SH3BGRL2: variants seen among roughly 807,000 people sequenced by gnomAD.
SH3BGRL2 encodes the protein SH3 domain-binding glutamic acid-rich-like protein 2.
In SH3BGRL2, 21 loss-of-function variants were observed where a neutral mutation model predicts 14.8. The observed-to-expected ratio is 1.42, with a 90% CI of 1.01 to 2.05. SH3BGRL2 has a LOEUF of 2.05. Among genes scored for constraint, SH3BGRL2 ranks in the 30% most tolerant of loss-of-function variants. The pLI, the probability that SH3BGRL2 is intolerant of heterozygous loss-of-function variation, is 0.00. For missense variants in SH3BGRL2, 147 were observed against 130.8 expected (o/e 1.12, Z -0.61); for synonymous variants, 50 against 47.8 (o/e 1.05, Z -0.19).
the SH3BGRL2 span, among the ~76,000 whole-genome samples, chr6:79,602,140 C>A: frequency 2.0e-5 from 3 of 152,132 alleles, no homozygotes; most frequent in African/African-American, 7.2e-5. Flanking sequence ...TTGAAAATCA[C>A]TTTTTAAAAT....
At chr6:79,595,301 A>G in the SH3BGRL2 span, among the ~76,000 whole-genome samples, 1 of 152,242 alleles carries the variant, frequency 6.6e-6, no homozygotes, top group South Asian at 2.1e-4. Flanking sequence ...AAAAAAAAAA[A>G]GGAATCTGCT....
At chr6:79,546,386 G>A in the SH3BGRL2 span, among the ~76,000 whole-genome samples, 1 of 152,028 alleles carries the variant, frequency 6.6e-6, no homozygotes, top group African/African-American at 2.4e-5. Flanking sequence ...ATTCTCTAAA[G>A]AGCCATAAAT....
At chr6:79,581,943 G>C in the SH3BGRL2 span, among the ~76,000 whole-genome samples, 2 of 152,090 alleles carry the variant, frequency 1.3e-5, no homozygotes, top group Non-Finnish European at 2.9e-5. Context: ...AAAGTCTCAG[G>C]ATACAAAATC....
the SH3BGRL2 span, among the ~76,000 whole-genome samples, chr6:79,569,629 G>A: frequency 6.6e-6 from 1 of 152,142 alleles, no homozygotes; most frequent in African/African-American, 2.4e-5. Context: ...CATGTCCAAC[G>A]TTCCCATCCT....
At position 79,673,929 on chromosome 6, in the gene SH3BGRL2, T is replaced by C; in HGVS notation, c.231+130T>C. 3 of 910,658 alleles carry C rather than the reference T, an allele frequency of 3.3e-6. No individual in the cohort carries two copies. In the East Asian group the frequency reaches 7.5e-5, roughly 23 times the overall value. 56.4% of individuals were successfully genotyped at this position (910,658 alleles called of 1,614,324 possible). On this transcript the variant is annotated intron_variant, in intron 2 of 3. Coordinates refer to ENST00000369838, the MANE Select transcript of SH3BGRL2 (RefSeq NM_031469.4). The stretch of plus-strand genomic sequence containing the variant: ...CAATGCCCATTCAGATCCACATGTC[T>C]AACAGAGGGTGAAGTTGAGAAGGGA...
At chr6:79,574,747 G>T in the SH3BGRL2 span, 1 of 152,168 alleles carries the variant, frequency 6.6e-6, no homozygotes, top group Non-Finnish European at 1.5e-5. Flanking sequence ...ACAACAATTT[G>T]TTGGTGGTAT....
At chr6:79,608,613 G>A in the SH3BGRL2 span, among the ~76,000 whole-genome samples, 13 of 152,146 alleles carry the variant, frequency 8.5e-5, no homozygotes, top group Non-Finnish European at 1.5e-4. Context: ...AGTAACATGA[G>A]GCATTATAGT....
At chr6:79,697,369 G>A (rs1270018461) in intron 3 of SH3BGRL2, among the ~76,000 whole-genome samples, 1 of 151,990 alleles carries the variant, frequency 6.6e-6, no homozygotes, top group Non-Finnish European at 1.5e-5. Flanking sequence ...AGTAATTGAA[G>A]TTTTGAGTGT....
Position 79,641,170 on chromosome 6 carries a change from GTGTGTGTGTGTGTGTGTGTGTGTGT to G in SH3BGRL2, c.45+9665_45+9689del, listed in dbSNP as rs1268649815. On this transcript the variant is annotated intron_variant, in intron 1 of 3. Transcript: ENST00000369838. ...CCCTTTTGTGTGTGTGTGTGTGTGT[GTGTGTGTGTGTGTGTGTGTGTGTGT>G]GGTTTGTTTTAAATCACAGTCTCTG... Among the ~76,000 whole-genome samples the G allele has an allele frequency of 3.3e-3, 500 of 151,422 alleles. 6 individuals carry two copies. Among genetic ancestry groups the G allele is most frequent in the African/African-American group, 0.011 (464 of 41,236 alleles).
chr6:79,688,807 A>G (rs1770152149), intron 2 of SH3BGRL2, among the ~76,000 whole-genome samples: 1 of 152,118 alleles, frequency 6.6e-6, no homozygotes, highest in South Asian at 2.1e-4. Context: ...TACTATATTA[A>G]TCTTAAATTA....
the SH3BGRL2 span, among the ~76,000 whole-genome samples, chr6:79,624,519 G>A: frequency 6.6e-6 from 1 of 151,356 alleles, no homozygotes; most frequent in Admixed American, 6.6e-5. Context: ...TCCCCAATTA[G>A]GCCATAATTT....
upstream of SH3BGRL2, among the ~76,000 whole-genome samples, chr6:79,630,837 A>G (rs1306458201): frequency 6.6e-6 from 1 of 152,102 alleles, no homozygotes; most frequent in African/African-American, 2.4e-5. Context: ...GCTACTGGAC[A>G]AACAAACGAG....
intron 2 of SH3BGRL2, among the ~76,000 whole-genome samples, chr6:79,683,735 C>T (rs190840535): frequency 2.8e-4 from 43 of 152,324 alleles, no homozygotes; most frequent in Admixed American, 9.8e-4. Context: ...GCGTGAGCCA[C>T]CGTGCTCGGC....
the SH3BGRL2 span, among the ~76,000 whole-genome samples, chr6:79,603,571 C>T: frequency 9.2e-5 from 14 of 152,262 alleles, 1 homozygote; most frequent in South Asian, 2.7e-3. Flanking sequence ...TGAGAATATT[C>T]TAAACTGATA....
At chr6:79,685,910 G>A (rs1770081501) in intron 2 of SH3BGRL2, among the ~76,000 whole-genome samples, 1 of 152,142 alleles carries the variant, frequency 6.6e-6, no homozygotes, top group Admixed American at 6.6e-5. Flanking sequence ...TTTCCGTCTT[G>A]TATTTTTCTT....
intron 1 of SH3BGRL2, among the ~76,000 whole-genome samples, chr6:79,649,985 T>TCTCTCACACACACA (rs765159303): frequency 3.5e-5 from 5 of 141,980 alleles, no homozygotes; most frequent in Admixed American, 7.1e-5. Context: ...TCTCTCTCTC[T>TCTCTCACACACACA]CACACACACA....
At chr6:79,667,754 A>G (rs774985589) in intron 1 of SH3BGRL2, among the ~76,000 whole-genome samples, 28 of 152,102 alleles carry the variant, frequency 1.8e-4, no homozygotes, top group Non-Finnish European at 3.4e-4. Context: ...GCCTTAGGCT[A>G]AACTTAATTT....
chr6:79,696,495 G>A lies in SH3BGRL2; in HGVS notation c.242G>A (p.Ser81Asn). 6.3e-7 allele frequency: 1 copy of A among 1,579,230 alleles called. No individual in the cohort carries two copies. The highest frequency in any genetic ancestry group is 1.2e-5 in the South Asian group (1 of 83,450). ...NGDRYCGDYDSFFESKESNTV... is the reference protein window; with the variant it reads ...NGDRYCGDYDNFFESKESNTV... ...TCCCTTTTTTTCTAGGATTATGACA[G>A]TTTTTTTGAATCCAAGGAAAGCAAC... The change falls in exon 3 of 4, where the codon AGT (serine) becomes AAT (asparagine). Residue 81 changes from serine (S) to asparagine (N), a missense_variant. Physicochemically the swap from Ser to Asn is conservative, Grantham distance 46 (BLOSUM62 1). Coordinates refer to ENST00000369838, the MANE Select transcript of SH3BGRL2 (RefSeq NM_031469.4).
At chr6:79,591,564 C>T in the SH3BGRL2 span, among the ~76,000 whole-genome samples, 1 of 152,124 alleles carries the variant, frequency 6.6e-6, no homozygotes, top group Non-Finnish European at 1.5e-5. Flanking sequence ...TGCGCCACTA[C>T]ACCGGCTAAT....
Sources: allele counts gnomAD v4.1 joint callset (sites outside exome capture counted in the v4.1 genomes callset), GRCh38; gene constraint gnomAD v4.1.1; transcripts MANE v1.5; gene names NCBI Gene and HGNC (gene_info 2026-07-23, HGNC 2026-07-21).